The following DMKN variants were observed in gnomAD, a reference collection of about 807,000 sequenced individuals.
DMKN encodes epidermis-specific secreted protein SK30/SK89.
A neutral mutation model predicts 67.6 loss-of-function variants in DMKN; 58 were observed. The observed-to-expected ratio is 0.86, with a 90% CI of 0.69 to 1.07. The LOEUF is 1.07. Ranked by LOEUF, DMKN falls within the 50% of genes least tolerant of loss-of-function variation. The pLI, the probability that DMKN is intolerant of heterozygous loss-of-function variation, is 0.00. For missense variants in DMKN, 596 were observed against 601.5 expected, an observed-to-expected ratio of 0.99 and a Z score of 0.10; for synonymous variants, 240 against 232.3, an observed-to-expected ratio of 1.03 and a Z score of -0.30.
At chr19:35,500,614 CGCAGTCGTGCGG>C in intron 11 of DMKN, 34 bp from the exon 12 acceptor site, 1 of 1,590,254 alleles carries the variant, frequency 6.3e-7, no homozygotes, top group Non-Finnish European at 8.6e-7. Context: ...TTCGTGCCTC[CGCAGTCGTGCGG>C]GCATTGCCGG....
At chr19:35,504,737 TTC>T (rs1424487630) in intron 9 of DMKN, among the ~76,000 whole-genome samples, 3 of 152,228 alleles carry the variant, frequency 2.0e-5, no homozygotes, top group African/African-American at 7.2e-5. Context: ...GAGCCCAGTC[TTC>T]TCTCTTTTAC....
chr19:35,503,485 T>C, intron 9 of DMKN: 2 of 1,539,634 alleles, frequency 1.3e-6, no homozygotes, highest in African/African-American at 2.8e-5. Context: ...TTTTTTTTTT[T>C]TTTTTTTTGA....
chr19:35,503,242 C>T, intron 9 of DMKN: 2 of 1,453,990 alleles, frequency 1.4e-6, no homozygotes, highest in Non-Finnish European at 1.8e-6. Context: ...GGGGCTGCAG[C>T]CACCCCTTCC....
chr19:35,512,949 T>C (rs1405610081), intron 1 of DMKN, 101 bp downstream of exon 1: 1 of 1,554,892 alleles, frequency 6.4e-7, no homozygotes, highest in African/African-American at 1.4e-5. Context: ...CCCAGAAGCC[T>C]GCAAGTAAGA....
chr19:35,503,502 G>A (rs2068822875), intron 9 of DMKN: 1 of 1,532,220 alleles, frequency 6.5e-7, no homozygotes. Context: ...TTGAGATGGA[G>A]TCTCGCTCTG....
intron 11 of DMKN, among the ~76,000 whole-genome samples, chr19:35,501,503 C>T (rs1007538246): frequency 6.6e-6 from 1 of 152,214 alleles, no homozygotes; most frequent in Admixed American, 6.5e-5. Flanking sequence ...CTTTGCAGGG[C>T]CCCACCTGTC....
intron 11 of DMKN, 52 bp downstream of exon 11, chr19:35,502,084 C>T (rs982152536): frequency 2.5e-6 from 4 of 1,612,726 alleles, no homozygotes; most frequent in Non-Finnish European, 3.4e-6. Flanking sequence ...CAGCGGCTCG[C>T]CCAGGGCCCC....
rs760401945 is a variant in DMKN at position 35,511,468 on chromosome 19, ACCACTGCTGCCG to A, written c.849_860del (p.Gly288_Gly291del). 3.5e-3 allele frequency: 3,856 copies of A among 1,095,180 alleles called. 23 individuals carry two copies. In the East Asian group the frequency reaches 0.038, roughly 11 times the overall value. 67.8% of individuals were successfully genotyped at this position (1,095,180 alleles called of 1,614,324 possible). On this transcript the variant is annotated inframe_deletion, in exon 5 of 16. Transcript: ENST00000339686. Reference sequence around the variant, plus strand: ...TGCCACCACTGTTGCCACTGCTGCCACCACTGCTGCCGCCACTGCTGCCGCCACTGCTGCTGC... The same window carrying A: ...TGCCACCACTGTTGCCACTGCTGCCACCACTGCTGCCGCCACTGCTGCTGC...
chr19:35,498,512 G>C, intron 15 of DMKN: 2 of 686,556 alleles, frequency 2.9e-6, no homozygotes, highest in East Asian at 5.5e-5. Context: ...CCCAGCCCTA[G>C]ATCACTTTAT....
rs2070473066 is a variant in DMKN at position 35,510,197 on chromosome 19, C to T, written c.974G>A (p.Gly325Glu). ...CCAGCCACTCACCCCGGGTTTATGTCCATTTCCTCCGCCGCTCCCACCGTG... is the reference window on the plus strand; with the variant it reads ...CCAGCCACTCACCCCGGGTTTATGTTCATTTCCTCCGCCGCTCCCACCGTG... Reference protein sequence around the residue: ...GNHGGSGGGNGHKPGCEKPGN... With the variant: ...GNHGGSGGGNEHKPGCEKPGN... The change falls in exon 6 of 16, where the codon GGA (glycine) becomes GAA (glutamate). Residue 325 changes from glycine to glutamate, a missense_variant. By Grantham distance (98) the Gly-to-Glu change is moderately conservative. Coordinates refer to ENST00000339686, the MANE Select transcript of DMKN (RefSeq NM_033317.5). The T allele has an allele frequency of 3.1e-6, 5 of 1,608,416 alleles. No individual in the cohort carries two copies. Among genetic ancestry groups the T allele is most frequent in the African/African-American group, 1.3e-5 (1 of 74,730 alleles).
chr19:35,510,471 G>T (rs2070554326), intron 5 of DMKN: 2 of 1,551,784 alleles, frequency 1.3e-6, no homozygotes, highest in South Asian at 2.4e-5. Flanking sequence ...ACTACGCAAT[G>T]ATTTGGAGAA....
At chr19:35,505,358 G>A (rs2069256282) in intron 9 of DMKN, among the ~76,000 whole-genome samples, 1 of 152,118 alleles carries the variant, frequency 6.6e-6, no homozygotes, top group Non-Finnish European at 1.5e-5. Flanking sequence ...TCCTCTTGGG[G>A]CCTCTTAGCT....
chr19:35,512,732 T>G lies in DMKN; in HGVS notation c.485A>C (p.Gln162Pro). ...AGTCCCCAGACCTCCAGGATTGCCC[T>G]GGCCCTGGCCTCCAAGGCCACCTTG... Reference protein sequence around the residue: ...GSQGGLGGQGQGNPGGLGTPW... With the variant: ...GSQGGLGGQGPGNPGGLGTPW... Residue 162 changes from glutamine to proline, a missense_variant, in exon 2 of 16, where the codon CAG becomes CCG. Gln to Pro is a moderately conservative substitution (Grantham distance 76). Transcript: ENST00000339686. 6.2e-6 allele frequency: 10 copies of G among 1,614,130 alleles called. No homozygotes were observed. Among genetic ancestry groups the G allele is most frequent in the Non-Finnish European group, 8.5e-6 (10 of 1,180,016 alleles).
intron 11 of DMKN, 185 bp downstream of exon 11, chr19:35,501,951 G>A: frequency 6.4e-7 from 1 of 1,554,582 alleles, no homozygotes; most frequent in East Asian, 2.4e-5. Context: ...ATGCTAGGGA[G>A]GTCCTCCCAC....
chr19:35,505,641 C>G, intron 9 of DMKN, 77 bp downstream of exon 9: 3 of 1,593,954 alleles, frequency 1.9e-6, no homozygotes. Context: ...GCCAGCATCA[C>G]TGTTTCCCCA....
Position 35,502,886 on chromosome 19 carries a change from T to C in DMKN, c.1135A>G (p.Asn379Asp). Residue 379 changes from asparagine to aspartate, a missense_variant and splice_region_variant, in exon 10 of 16, where the codon AAC becomes GAC. Transcript: ENST00000339686. ...GFINWDAINK[N>D]QVPPPSTRAL... ...CGGGTGCTGGGGGGCGGGACCTGGT[T>C]CTGTGGATGAAAGGCGGGGAGCAGG... The C allele has an allele frequency of 6.2e-7, 1 of 1,613,774 alleles. No homozygotes were observed. The highest frequency in any genetic ancestry group is 8.5e-7 in the Non-Finnish European group (1 of 1,179,872).
chr19:35,507,983 T>A, intron 7 of DMKN: 2 of 556,804 alleles, frequency 3.6e-6, no homozygotes, highest in South Asian at 4.8e-5. Flanking sequence ...TAGAGTAGAC[T>A]GGCTGGTCCC....
At position 35,500,121 on chromosome 19, in the gene DMKN, C is replaced by G. The variant is rs113432852; in HGVS notation, c.1288-92G>C. ...TCCCACCTTCCTGCCTGGACCAGAC[C>G]TTTCCTAAAACACCTGCCTGCTCCC... On this transcript the variant is annotated intron_variant, in intron 12 of 15. Transcript: ENST00000339686. The G allele has an allele frequency of 6.1e-3, 8,893 of 1,469,076 alleles. 450 individuals carry two copies. The African/African-American group carries it at 0.11, about 18-fold the overall frequency. 91.0% of individuals were successfully genotyped at this position (1,469,076 alleles called of 1,614,324 possible).
Position 35,511,453 on chromosome 19 carries a change from G to A in DMKN, c.876C>T (p.Asn292=), listed in dbSNP as rs973461723. ...SGGSSGGSSG[N]SGGSRGDSGS... ...CGCTGTCACCTCTGCTGCCACCACT[G>A]TTGCCACTGCTGCCACCACTGCTGC... The change falls in exon 5 of 16, where the codon AAC becomes AAT. Residue 292 remains asparagine (N), a synonymous_variant. Transcript: ENST00000339686. 3 of 1,585,684 alleles carry A rather than the reference G, an allele frequency of 1.9e-6. No homozygotes were observed. Among genetic ancestry groups the A allele is most frequent in the Admixed American group, 1.8e-5 (1 of 56,704 alleles).
Sources: gnomAD v4.1 joint callset for allele counts (sites outside exome capture counted in the v4.1 genomes callset) on GRCh38, gnomAD v4.1.1 for gene constraint, MANE v1.5 for transcripts, NCBI Gene and HGNC (gene_info 2026-07-23, HGNC 2026-07-21) for gene names.